Variants in PTCH2 observed in about 807,000 individuals in gnomAD.
PTCH2 encodes the protein protein patched homolog 2.
PTCH2 carries 96 observed loss-of-function variants against 117.9 expected under a neutral mutation model. The ratio of observed to expected loss-of-function variants is 0.81; its 90% CI spans 0.69 to 0.96. PTCH2 has a LOEUF of 0.96. PTCH2 is among the 50% of genes least tolerant of loss of function. The pLI, the probability that PTCH2 is intolerant of heterozygous loss-of-function variation, is 0.00. For missense variants in PTCH2, 1,379 were observed against 1,562.5 expected (o/e 0.88, Z 1.98); for synonymous variants, 615 against 660.9 (o/e 0.93, Z 1.06).
chr1:44,831,676 A>G lies in PTCH2; in HGVS notation c.617+30T>C, dbSNP rs1183618357. On this transcript the variant is annotated intron_variant, in intron 5 of 21. Transcript: ENST00000372192. The surrounding 1 kb of genome is among the most constrained non-coding windows in gnomAD (Gnocchi z 4.3). ...CTGCTGGGAGAGTCCCCAGCGGGAG[A>G]TGAAGCAGGGCCCCAGGAGTGGCAC... 21 of 1,529,062 alleles carry G rather than the reference A, an allele frequency of 1.4e-5. No homozygotes were observed. The highest frequency in any genetic ancestry group is 1.8e-5 in the Non-Finnish European group (20 of 1,126,182). The allele number at this position is 1,529,062 out of a possible 1,614,324, so 94.7% of individuals were successfully genotyped here. A position where few individuals can be genotyped will look rare whatever the true frequency, so the allele number is the denominator to read the frequency against.
chr1:44,835,165 G>A lies in PTCH2; in HGVS notation c.266-2824C>T, dbSNP rs901631585. Among the ~76,000 whole-genome samples the A allele has an allele frequency of 4.6e-5, 7 of 152,242 alleles. No individual in the cohort carries two copies. The South Asian group carries it at 6.2e-4, about 14-fold the overall frequency. On this transcript the variant is annotated intron_variant, in intron 2 of 21. Transcript: ENST00000372192. ...AGCTCACCGCAGCCTTGACCTCCCG[G>A]CTCAAGCAATCCTCTCAAGTAGCTG... is the stretch of plus-strand genomic sequence containing the variant.
rs1283421869 is a variant in PTCH2 at position 44,823,090 on chromosome 1, G to A, written c.3336C>T (p.Ser1112=). 6.2e-7 allele frequency: 1 copy of A among 1,613,678 alleles called. No individual in the cohort carries two copies. ...TCACCTCTGGCGGCGGGCCCAGGATGGACAGCAGCACAGGCAGCAGCACGA... is the reference window on the plus strand; with the variant it reads ...TCACCTCTGGCGGCGGGCCCAGGATAGACAGCAGCACAGGCAGCAGCACGA... ...HGLVLLPVLL[S]ILGPPPEVIQ... The change falls in exon 21 of 22, where the codon TCC becomes TCT. Residue 1112 remains serine, a synonymous_variant. Coordinates refer to ENST00000372192, the MANE Select transcript of PTCH2 (RefSeq NM_003738.5). The surrounding 1 kb of genome is among the most constrained non-coding windows in gnomAD (Gnocchi z 5.1).
chr1:44,840,731 C>A (rs558675196), intron 2 of PTCH2, among the ~76,000 whole-genome samples: 4 of 151,406 alleles, frequency 2.6e-5, no homozygotes, highest in Admixed American at 6.6e-5. Context: ...AACAAAAAAC[C>A]AAAAACCCAA....
rs2148877120 is a variant in PTCH2 at position 44,829,181 on chromosome 1, G to A, written c.1347C>T (p.Ile449=). The part of the protein sequence containing the change: ...SGLGLCALLG[I]TFNAATTQVL... Reference sequence around the variant, plus strand: ...CCTGGGTAGTGGCAGCATTGAAGGTGATGCCGAGCAGGGCACAGAGCCCAA... The same window carrying A: ...CCTGGGTAGTGGCAGCATTGAAGGTAATGCCGAGCAGGGCACAGAGCCCAA... The change falls in exon 10 of 22, where the codon ATC becomes ATT. Residue 449 remains isoleucine, a synonymous_variant. Transcript: ENST00000372192. The A allele has an allele frequency of 6.2e-7, 1 of 1,613,724 alleles. No homozygotes were observed. Among genetic ancestry groups the A allele is most frequent in the Non-Finnish European group, 8.5e-7 (1 of 1,180,038 alleles).
chr1:44,825,343 G>A (rs546923956), intron 19 of PTCH2, among the ~76,000 whole-genome samples: 37 of 151,610 alleles, frequency 2.4e-4, no homozygotes, highest in Middle Eastern at 7.1e-3. Context: ...TCACCATGTC[G>A]GCCAGGCTGG....
chr1:44,824,358 G>A (rs991658085), intron 19 of PTCH2, among the ~76,000 whole-genome samples: 1 of 152,186 alleles, frequency 6.6e-6, no homozygotes, highest in Non-Finnish European at 1.5e-5. Flanking sequence ...GTGGAGTCTG[G>A]CTGGTCTGTG....
At chr1:44,829,554 G>A (rs763386242) in intron 8 of PTCH2, 21 bp from the exon 9 acceptor site, 1 of 1,614,178 alleles carries the variant, frequency 6.2e-7, no homozygotes, top group Non-Finnish European at 8.5e-7. Flanking sequence ...AGGGTGGATA[G>A]GAGGGGGCAG....
At position 44,827,851 on chromosome 1, in the gene PTCH2, G is replaced by T. The variant is rs1402425675; in HGVS notation, c.2050C>A (p.His684Asn). The change falls in exon 14 of 22, where the codon CAT becomes AAT. Residue 684 changes from histidine (H) to asparagine (N), a missense_variant. Physicochemically the swap from His to Asn is moderately conservative, Grantham distance 68 (BLOSUM62 1). Transcript: ENST00000372192. ...YQFAPLLLQS[H>N]AKAIVLVLFG... ...GCTCTGCCCAGTCTTACCTTAGCAT[G>T]TGACTGGAGCAGCAACGGGGCAAAC... The T allele has an allele frequency of 6.2e-7, 1 of 1,614,114 alleles. No homozygotes were observed.
In PTCH2 at chr1:44,830,587, C is replaced by CAAAAAAAAA. The variant is rs768951349; in HGVS notation, c.813+252_813+260dup. 2.6e-3 allele frequency among the ~76,000 whole-genome samples: 171 copies of CAAAAAAAAA among 65,138 alleles called. 5 individuals carry two copies. The highest frequency in any genetic ancestry group is 0.011 in the Middle Eastern group (1 of 92). The allele number at this position is 65,138 out of a possible 152,430, so 42.7% of individuals were successfully genotyped here. On this transcript the variant is annotated intron_variant, in intron 6 of 21. Transcript: ENST00000372192. ...CCAGCCTGGGTGACAGAGTGAGACTCAAAAAAAAAAAAAAAAAGAAGTCCA... is the reference window on the plus strand; with the variant it reads ...CCAGCCTGGGTGACAGAGTGAGACTCAAAAAAAAAAAAAAAAAAAAAAAAAAGAAGTCCA...
intron 6 of PTCH2, among the ~76,000 whole-genome samples, chr1:44,830,341 ACC>A (rs1653377265): frequency 6.6e-6 from 1 of 152,124 alleles, no homozygotes; most frequent in Non-Finnish European, 1.5e-5. Context: ...ATTCATGCTT[ACC>A]TGCTGTGTTC....
At chr1:44,819,863 C>CT (rs1307403187), downstream of PTCH2, 2 of 153,058 alleles carry the variant, frequency 1.3e-5, no homozygotes, top group Non-Finnish European at 1.5e-5. Flanking sequence ...AGTTGCCTAA[C>CT]TTTTAATACT....
chr1:44,837,042 G>GACAAA (rs1472816029), intron 2 of PTCH2, among the ~76,000 whole-genome samples: 1 of 152,178 alleles, frequency 6.6e-6, no homozygotes, highest in Non-Finnish European at 1.5e-5. Context: ...TAAGTCTGAG[G>GACAAA]ACAAAAGTCC....
chr1:44,829,022 G>T lies in PTCH2; in HGVS notation c.1424C>A (p.Ala475Glu), dbSNP rs747573693. 1.9e-6 allele frequency: 3 copies of T among 1,580,884 alleles called. No homozygotes were observed. The Admixed American group carries it at 5.5e-5, about 29-fold the overall frequency. ...AGGCAGAGCCTCTGTGAAGGCATGCGCCAGCAGGAATACGTCATCCACGCC... is the reference window on the plus strand; with the variant it reads ...AGGCAGAGCCTCTGTGAAGGCATGCTCCAGCAGGAATACGTCATCCACGCC... ...GIGVDDVFLL[A>E]HAFTEALPGT... The change falls in exon 11 of 22, where the codon GCG (alanine) becomes GAG (glutamate). Residue 475 changes from alanine (A) to glutamate (E), a missense_variant. Coordinates refer to ENST00000372192, the MANE Select transcript of PTCH2 (RefSeq NM_003738.5).
chr1:44,823,388 A>G lies in PTCH2; in HGVS notation c.3115-3T>C, dbSNP rs1363118627. On this transcript the variant is annotated splice_polypyrimidine_tract_variant and splice_region_variant and intron_variant, in intron 19 of 21. Transcript: ENST00000372192. The surrounding 1 kb of genome is among the most constrained non-coding windows in gnomAD (Gnocchi z 5.1). Reference sequence around the variant, plus strand: ...CTGCCCTGGGTGGTCAGGAAGCCCTAGGAAAACAGAGTGGTCCTGGAGCTG... The same window carrying G: ...CTGCCCTGGGTGGTCAGGAAGCCCTGGGAAAACAGAGTGGTCCTGGAGCTG... 6.2e-7 allele frequency: 1 copy of G among 1,614,022 alleles called. No homozygotes were observed. The highest frequency in any genetic ancestry group is 2.2e-5 in the East Asian group (1 of 44,898).
intron 7 of PTCH2, 38 bp from the exon 8 acceptor site, chr1:44,829,799 C>T (rs2148878190): frequency 6.2e-7 from 1 of 1,614,090 alleles, no homozygotes; most frequent in South Asian, 1.1e-5. Flanking sequence ...TCAGAGCTGG[C>T]CCAAACACCT....
At position 44,823,403 on chromosome 1, in the gene PTCH2, T is replaced by C. The variant is rs1653001777; in HGVS notation, c.3115-18A>G. 3 of 1,614,030 alleles carry C rather than the reference T, an allele frequency of 1.9e-6. No individual in the cohort carries two copies. Among genetic ancestry groups the C allele is most frequent in the Non-Finnish European group, 2.5e-6 (3 of 1,180,018 alleles). ...AGGAAGCCCTAGGAAAACAGAGTGGTCCTGGAGCTGCTCCTCTGCCAGTCA... is the reference window on the plus strand; with the variant it reads ...AGGAAGCCCTAGGAAAACAGAGTGGCCCTGGAGCTGCTCCTCTGCCAGTCA... On this transcript the variant is annotated intron_variant, in intron 19 of 21. Transcript: ENST00000372192. The surrounding 1 kb of genome is among the most constrained non-coding windows in gnomAD (Gnocchi z 5.1).
rs10695694 is a variant in PTCH2 at position 44,834,122 on chromosome 1, C to CTTTT, written c.266-1785_266-1782dup. ...GCTCCCCACACTGCCAGTTCCTTCC[C>CTTTT]TTTTTTTTTTTTTTGAGACTGAGTT... is the stretch of plus-strand genomic sequence containing the variant. On this transcript the variant is annotated intron_variant, in intron 2 of 21. Transcript: ENST00000372192. 3.5e-5 allele frequency among the ~76,000 whole-genome samples: 5 copies of CTTTT among 141,024 alleles called. No homozygotes were observed. In the South Asian group the frequency reaches 6.7e-4, roughly 19 times the overall value. 92.5% of individuals were successfully genotyped at this position (141,024 alleles called of 152,430 possible).
Position 44,826,116 on chromosome 1 carries a change from G to A in PTCH2, c.3114+134C>T. ...CTGCCTCGGCCTCCCAAAGTGCTGG[G>A]ATTACAGGAATGAGCTACCACGTCC... is the stretch of plus-strand genomic sequence containing the variant. On this transcript the variant is annotated intron_variant, in intron 19 of 21. Transcript: ENST00000372192. This position sits in a 1 kb window ranked among gnomAD's most constrained non-coding sequence, Gnocchi z 5.1. The A allele has an allele frequency of 5.6e-6, 7 of 1,243,894 alleles. No individual in the cohort carries two copies. Among genetic ancestry groups the A allele is most frequent in the Non-Finnish European group, 7.9e-6 (7 of 880,874 alleles). 77.1% of individuals were successfully genotyped at this position (1,243,894 alleles called of 1,614,324 possible). A position where few individuals can be genotyped will look rare whatever the true frequency, so the allele number is the denominator to read the frequency against.
intron 19 of PTCH2, among the ~76,000 whole-genome samples, chr1:44,824,315 A>G (rs1050816470): frequency 6.6e-6 from 1 of 152,062 alleles, no homozygotes; most frequent in Admixed American, 6.6e-5. Context: ...AATAATAGAG[A>G]TATTTGGTGG....
Sources: allele counts gnomAD v4.1 joint callset (sites outside exome capture counted in the v4.1 genomes callset), GRCh38; gene constraint gnomAD v4.1.1; non-coding constraint Gnocchi (gnomAD v3.1); transcripts MANE v1.5; gene names NCBI Gene and HGNC (gene_info 2026-07-23, HGNC 2026-07-21).